Variants in KALRN observed in about 807,000 individuals in gnomAD.
KALRN encodes kalirin.
KALRN carries 70 observed loss-of-function variants against 353.7 expected under a neutral mutation model. That is an observed-to-expected ratio of 0.20 (90% CI 0.16 to 0.24). The LOEUF is 0.24. Ranked by LOEUF, KALRN falls within the 10% of genes least tolerant of loss-of-function variation. The probability of loss-of-function intolerance (pLI) is 1.00; values close to 1 mark genes in which losing one functional copy is unlikely to be tolerated. For synonymous variants in KALRN, 1,391 were observed against 1,434.8 expected (o/e 0.97, Z 0.69); for missense variants, 2,791 against 3,756.7 (o/e 0.74, Z 6.72).
intron 10 of KALRN, among the ~76,000 whole-genome samples, chr3:124,363,569 G>A (rs2084302985): frequency 6.6e-6 from 1 of 152,134 alleles, no homozygotes; most frequent in African/African-American, 2.4e-5. Flanking sequence ...ATTTTTCAGG[G>A]GATATGGTGA....
chr3:124,188,124 C>A (rs542553874), intron 1 of KALRN, among the ~76,000 whole-genome samples: 2 of 152,292 alleles, frequency 1.3e-5, no homozygotes, highest in Admixed American at 6.5e-5. Flanking sequence ...TTATGTGCAG[C>A]TAGAGTTGAG....
At chr3:124,270,483 T>C (rs1159525863) in intron 5 of KALRN, among the ~76,000 whole-genome samples, 1 of 152,234 alleles carries the variant, frequency 6.6e-6, no homozygotes, top group Non-Finnish European at 1.5e-5. Context: ...TTTATAATGT[T>C]TTCTAATTTT....
chr3:124,504,374 C>T (rs188526174), intron 33 of KALRN, among the ~76,000 whole-genome samples: 19 of 152,222 alleles, frequency 1.2e-4, no homozygotes, highest in African/African-American at 4.3e-4. Flanking sequence ...AGGTCAATCT[C>T]CTGCCTGGTA....
intron 1 of KALRN, among the ~76,000 whole-genome samples, chr3:124,125,922 G>T (rs2064604097): frequency 6.6e-6 from 1 of 152,146 alleles, no homozygotes; most frequent in Non-Finnish European, 1.5e-5. Flanking sequence ...TGAGTTAGAG[G>T]CTGCGTCTTG....
intron 1 of KALRN, among the ~76,000 whole-genome samples, chr3:124,144,919 C>T (rs67578319): frequency 0.28 from 43,140 of 152,022 alleles, 6,572 homozygotes; most frequent in East Asian, 0.47. Context: ...AGTGTTCTTA[C>T]TCTGTAGAAG....
chr3:124,393,136 T>C (rs1166686098), intron 11 of KALRN, among the ~76,000 whole-genome samples: 4 of 152,084 alleles, frequency 2.6e-5, no homozygotes, highest in Non-Finnish European at 5.9e-5. Context: ...TGGCTAATTT[T>C]TGTATTTTTA....
intron 11 of KALRN, among the ~76,000 whole-genome samples, chr3:124,389,292 CT>C (rs1183900817): frequency 1.3e-5 from 2 of 152,106 alleles, no homozygotes; most frequent in African/African-American, 4.8e-5. Context: ...GAATATCCAC[CT>C]TTATAAATGA....
At chr3:124,352,012 T>C (rs1309436078) in intron 10 of KALRN, among the ~76,000 whole-genome samples, 1 of 152,206 alleles carries the variant, frequency 6.6e-6, no homozygotes, top group Non-Finnish European at 1.5e-5. Context: ...AATCTGTGTC[T>C]ACAGTTTTCT....
At chr3:124,406,709 A>C (rs574507757) in intron 13 of KALRN, among the ~76,000 whole-genome samples, 3 of 152,170 alleles carry the variant, frequency 2.0e-5, no homozygotes, top group Non-Finnish European at 4.4e-5. Flanking sequence ...AATGTATATA[A>C]TCACCTTTGC....
intron 2 of KALRN, among the ~76,000 whole-genome samples, chr3:124,229,121 C>T (rs2078884897): frequency 6.6e-6 from 1 of 152,222 alleles, no homozygotes; most frequent in Non-Finnish European, 1.5e-5. Flanking sequence ...CAACCTACTA[C>T]AGATTGTGTT....
At chr3:124,440,317 A>T (rs1370173286) in intron 18 of KALRN, among the ~76,000 whole-genome samples, 1 of 152,228 alleles carries the variant, frequency 6.6e-6, no homozygotes, top group Non-Finnish European at 1.5e-5. Context: ...TGAAGAAAGA[A>T]ATAGAAAACC....
intron 14 of KALRN, among the ~76,000 whole-genome samples, chr3:124,419,988 G>A (rs1274435213): frequency 3.3e-5 from 5 of 152,208 alleles, no homozygotes; most frequent in African/African-American, 9.6e-5. Context: ...TCGTGTCAGT[G>A]TGTTTGGGGG....
chr3:124,560,685 G>A (rs867336935), intron 33 of KALRN, among the ~76,000 whole-genome samples: 9 of 152,088 alleles, frequency 5.9e-5, no homozygotes, highest in Non-Finnish European at 1.0e-4. Context: ...AGACCATGTC[G>A]CTACAAAAAT....
intron 1 of KALRN, among the ~76,000 whole-genome samples, chr3:124,145,969 T>C (rs1321893094): frequency 2.6e-5 from 4 of 152,178 alleles, no homozygotes; most frequent in East Asian, 1.9e-4. Flanking sequence ...GGTGAAATCA[T>C]GGAAAGGTAA....
chr3:124,530,444 T>G (rs2067943422), intron 33 of KALRN, among the ~76,000 whole-genome samples: 1 of 152,054 alleles, frequency 6.6e-6, no homozygotes, highest in South Asian at 2.1e-4. Context: ...CAGGCTGGAG[T>G]GCAGTGGTGT....
intron 13 of KALRN, among the ~76,000 whole-genome samples, chr3:124,404,385 G>C (rs963857443): frequency 6.6e-6 from 1 of 151,900 alleles, no homozygotes; most frequent in Admixed American, 6.6e-5. Flanking sequence ...GATAGGACAT[G>C]GTCTCTAGTC....
chr3:124,471,738 C>T (rs1026695517), intron 25 of KALRN, among the ~76,000 whole-genome samples: 22 of 151,656 alleles, frequency 1.5e-4, no homozygotes, highest in African/African-American at 5.1e-4. Flanking sequence ...CCGAGGTGGG[C>T]GGATCACGAG....
intron 34 of KALRN, among the ~76,000 whole-genome samples, chr3:124,622,252 G>A (rs584495): frequency 0.29 from 44,051 of 151,934 alleles, 7,743 homozygotes; most frequent in East Asian, 0.59. Context: ...AATCTTTGTG[G>A]TTTCTTCTGA....
chr3:124,121,155 A>G (rs951831957), intron 1 of KALRN, among the ~76,000 whole-genome samples: 2 of 151,272 alleles, frequency 1.3e-5, no homozygotes, highest in African/African-American at 4.9e-5. Flanking sequence ...GTTAATAATT[A>G]TTTTGTAAAA....
Sources: gnomAD v4.1 joint callset for allele counts (sites outside exome capture counted in the v4.1 genomes callset) on GRCh38, gnomAD v4.1.1 for gene constraint, MANE v1.5 for transcripts, NCBI Gene and HGNC (gene_info 2026-07-23, HGNC 2026-07-21) for gene names.